The following RAB19 variants were observed in gnomAD, a reference collection of about 807,000 sequenced individuals.
RAB19 encodes the protein RAB19, member RAS oncogene family.
Under a neutral mutation model 17.3 loss-of-function variants are expected in RAB19, and 21 were observed. The ratio of observed to expected loss-of-function variants is 1.21; its 90% CI spans 0.86 to 1.74. RAB19 has a LOEUF of 1.74. Ranked by LOEUF, RAB19 falls within the 40% of genes most tolerant of loss-of-function variation. The pLI, the probability that RAB19 is intolerant of heterozygous loss-of-function variation, is 0.00. For missense variants in RAB19, 277 were observed against 286.8 expected (o/e 0.97, Z 0.25); for synonymous variants, 126 against 110.4 (o/e 1.14, Z -0.88).
intron 3 of RAB19, among the ~76,000 whole-genome samples, chr7:140,414,331 C>A (rs528990619): frequency 1.6e-4 from 25 of 152,236 alleles, no homozygotes; most frequent in Admixed American, 1.2e-3. Flanking sequence ...CATGAGCCAC[C>A]ACCCCCGGCC....
Position 140,408,059 on chromosome 7 carries a change from A to G in RAB19, c.201+212A>G, listed in dbSNP as rs1347879898. Reference sequence around the variant, plus strand: ...CGCCCGGCAAATTTTTTTTTTTTTTATGTATTTTTAGTAGAGATGGGGTTT... The same window carrying G: ...CGCCCGGCAAATTTTTTTTTTTTTTGTGTATTTTTAGTAGAGATGGGGTTT... On this transcript the variant is annotated intron_variant, in intron 2 of 3. Transcript: ENST00000537763. Among the ~76,000 whole-genome samples the G allele has an allele frequency of 4.9e-4, 46 of 92,970 alleles. 1 individual carries two copies. Among genetic ancestry groups the G allele is most frequent in the South Asian group, 2.9e-3 (8 of 2,794 alleles). The allele number at this position is 92,970 out of a possible 152,430, so 61.0% of individuals were successfully genotyped here. A position where few individuals can be genotyped will look rare whatever the true frequency, so the allele number is the denominator to read the frequency against.
At chr7:140,424,619 CTATATA>C (rs369975658) in intron 3 of RAB19, among the ~76,000 whole-genome samples, 17 of 87,890 alleles carry the variant, frequency 1.9e-4, no homozygotes, top group African/African-American at 5.9e-4. Context: ...CTCTCTCTCT[CTATATA>C]TATATATATA....
intron 3 of RAB19, among the ~76,000 whole-genome samples, chr7:140,424,663 G>GTATGTA (rs1554442821): frequency 8.5e-6 from 1 of 117,736 alleles, no homozygotes; most frequent in Non-Finnish European, 1.7e-5. Flanking sequence ...ATATGTGTGT[G>GTATGTA]TATATATATA....
At chr7:140,405,976 C>T (rs1256078094) in intron 1 of RAB19, among the ~76,000 whole-genome samples, 2 of 151,990 alleles carry the variant, frequency 1.3e-5, no homozygotes, top group African/African-American at 4.8e-5. Flanking sequence ...GGCATGGTGG[C>T]TCATGCCTGT....
At chr7:140,411,034 T>C in intron 2 of RAB19, 3 of 1,367,750 alleles carry the variant, frequency 2.2e-6, no homozygotes, top group Non-Finnish European at 2.9e-6. Flanking sequence ...ACTCAAAAGA[T>C]GAGCCCCCAA....
Position 140,426,690 on chromosome 7 carries a change from A to C in RAB19, c.*540A>C, listed in dbSNP as rs1256730258. The stretch of plus-strand genomic sequence containing the variant: ...CTCAGGTCTTCACTTTGGGGAGCGA[A>C]GCCTTTTAGCAGAAATACCAGAAGT... On this transcript the variant is annotated 3_prime_UTR_variant, in exon 4 of 4. Coordinates refer to ENST00000537763, the MANE Select transcript of RAB19 (RefSeq NM_001008749.3). Among the ~76,000 whole-genome samples the C allele has an allele frequency of 6.6e-6, 1 of 152,124 alleles. No individual in the cohort carries two copies. The highest frequency in any genetic ancestry group is 1.5e-5 in the Non-Finnish European group (1 of 68,026).
chr7:140,421,396 TG>T, intron 3 of RAB19, among the ~76,000 whole-genome samples: 1 of 152,232 alleles, frequency 6.6e-6, no homozygotes, highest in African/African-American at 2.4e-5. Context: ...AGTCTTGATC[TG>T]TGACCCAGGC....
chr7:140,425,492 G>A (rs570733827), intron 3 of RAB19, among the ~76,000 whole-genome samples: 6 of 151,950 alleles, frequency 3.9e-5, no homozygotes, highest in African/African-American at 7.2e-5. Flanking sequence ...TTCGGAGGCC[G>A]AAGCAGGCGA....
Position 140,407,818 on chromosome 7 carries a change from T to A in RAB19, c.172T>A (p.Ser58Thr). Reference sequence around the variant, plus strand: ...GATTGGAGTGGACTTTACCGTGCGTTCCCTTGATATTGACGGCAAAAAAGT... The same window carrying A: ...GATTGGAGTGGACTTTACCGTGCGTACCCTTGATATTGACGGCAAAAAAGT... ...NTIGVDFTVR[S>T]LDIDGKKVKM... The change falls in exon 2 of 4, where the codon TCC becomes ACC. Residue 58 changes from serine to threonine, a missense_variant. Coordinates refer to ENST00000537763, the MANE Select transcript of RAB19 (RefSeq NM_001008749.3). 1.9e-6 allele frequency: 3 copies of A among 1,613,178 alleles called. No homozygotes were observed. Among genetic ancestry groups the A allele is most frequent in the Non-Finnish European group, 2.5e-6 (3 of 1,179,802 alleles).
intron 2 of RAB19, among the ~76,000 whole-genome samples, chr7:140,408,569 G>A (rs1336415705): frequency 6.6e-6 from 1 of 152,028 alleles, no homozygotes; most frequent in African/African-American, 2.4e-5. Flanking sequence ...TCTGCCTCCT[G>A]GGCTCAAGCA....
intron 2 of RAB19, among the ~76,000 whole-genome samples, chr7:140,411,254 G>GA (rs1799355439): frequency 6.6e-6 from 1 of 152,138 alleles, no homozygotes; most frequent in African/African-American, 2.4e-5. Context: ...AAAAAAATTA[G>GA]CTGGGCATGG....
intron 2 of RAB19, among the ~76,000 whole-genome samples, chr7:140,408,621 GCACACCAC>G (rs1272217301): frequency 6.6e-6 from 1 of 151,996 alleles, no homozygotes; most frequent in African/African-American, 2.4e-5. Flanking sequence ...ATTTACAGGT[GCACACCAC>G]CACACCGGGC....
intron 3 of RAB19, among the ~76,000 whole-genome samples, chr7:140,424,450 C>G (rs1799616778): frequency 6.6e-6 from 1 of 152,048 alleles, no homozygotes; most frequent in South Asian, 2.1e-4. Context: ...AGCCACCAAG[C>G]CTGGCCTCAT....
At chr7:140,424,589 CT>C (rs1799619881) in intron 3 of RAB19, among the ~76,000 whole-genome samples, 1 of 62,748 alleles carries the variant, frequency 1.6e-5, no homozygotes, top group African/African-American at 1.1e-4. Context: ...ACCTCTCCCT[CT>C]CTCTCTCTCT....
intron 3 of RAB19, among the ~76,000 whole-genome samples, chr7:140,422,685 GC>G (rs1799583861): frequency 6.6e-6 from 1 of 151,516 alleles, no homozygotes; most frequent in Non-Finnish European, 1.5e-5. Flanking sequence ...GGGTGGCGGT[GC>G]ATGTCTGTAG....
chr7:140,425,777 TG>T lies in RAB19; in HGVS notation c.386-104del, dbSNP rs886716299. The T allele has an allele frequency of 1.3e-4, 149 of 1,185,606 alleles. 2 individuals carry two copies. The African/African-American group carries it at 2.0e-3, about 16-fold the overall frequency. 73.4% of individuals were successfully genotyped at this position (1,185,606 alleles called of 1,614,324 possible). A position where few individuals can be genotyped will look rare whatever the true frequency, so the allele number is the denominator to read the frequency against. ...CCCTCAATGACCATTTGTGAATGAA[TG>T]CATGCATGCCTATTGAAGAACTAAA... On this transcript the variant is annotated intron_variant, in intron 3 of 3. Coordinates refer to ENST00000537763, the MANE Select transcript of RAB19 (RefSeq NM_001008749.3).
chr7:140,407,235 G>C (rs1446086454), intron 1 of RAB19, among the ~76,000 whole-genome samples: 4 of 152,272 alleles, frequency 2.6e-5, no homozygotes, highest in Non-Finnish European at 5.9e-5. Context: ...AGGTGAAATT[G>C]ACACTAGTGG....
intron 3 of RAB19, among the ~76,000 whole-genome samples, chr7:140,422,920 T>G (rs968039927): frequency 6.6e-6 from 1 of 151,486 alleles, no homozygotes; most frequent in East Asian, 2.0e-4. Context: ...CCAGCCTGGC[T>G]AACATGGTGA....
At chr7:140,406,793 A>G (rs1799250190) in intron 1 of RAB19, among the ~76,000 whole-genome samples, 1 of 152,080 alleles carries the variant, frequency 6.6e-6, no homozygotes, top group Non-Finnish European at 1.5e-5. Flanking sequence ...ACAGAACAAA[A>G]AGGTCATGTC....
Sources: gnomAD v4.1 joint callset for allele counts (sites outside exome capture counted in the v4.1 genomes callset) on GRCh38, gnomAD v4.1.1 for gene constraint, MANE v1.5 for transcripts, NCBI Gene and HGNC (gene_info 2026-07-23, HGNC 2026-07-21) for gene names.